The following CADPS2 variants were observed in gnomAD, a reference collection of about 807,000 sequenced individuals.
The protein encoded by CADPS2 is calcium-dependent secretion activator 2.
Under a neutral mutation model 172.5 loss-of-function variants are expected in CADPS2, and 93 were observed. The ratio of observed to expected loss-of-function variants is 0.54; its 90% CI spans 0.46 to 0.64. CADPS2 has a LOEUF of 0.64. Among genes scored for constraint, CADPS2 ranks in the 30% least tolerant of loss-of-function variants. CADPS2 has a pLI of 0.00. For missense variants in CADPS2, 1,420 were observed against 1,565.9 expected (o/e 0.91, Z 1.57); for synonymous variants, 546 against 555.2 (o/e 0.98, Z 0.23).
intron 3 of CADPS2, among the ~76,000 whole-genome samples, chr7:122,659,588 A>G (rs1052123581): frequency 1.7e-4 from 26 of 152,140 alleles, no homozygotes; most frequent in Admixed American, 1.7e-3. Context: ...ATTTGAAGTA[A>G]TAACAGCAGT....
chr7:122,768,991 G>A (rs1234195446), intron 1 of CADPS2, among the ~76,000 whole-genome samples: 1 of 151,384 alleles, frequency 6.6e-6, no homozygotes, highest in African/African-American at 2.4e-5. Context: ...ACAGCTGTCA[G>A]ATCTATATTT....
At chr7:122,465,826 T>C (rs1462578274) in intron 14 of CADPS2, among the ~76,000 whole-genome samples, 1 of 152,162 alleles carries the variant, frequency 6.6e-6, no homozygotes, top group Non-Finnish European at 1.5e-5. Flanking sequence ...TACAGTAACC[T>C]AGATACCCAA....
At chr7:122,683,658 A>C (rs1167850425) in intron 2 of CADPS2, among the ~76,000 whole-genome samples, 1 of 152,090 alleles carries the variant, frequency 6.6e-6, no homozygotes, top group African/African-American at 2.4e-5. Flanking sequence ...CTGTGGACCA[A>C]TGACAGTACC....
chr7:122,625,066 T>C (rs77192491), intron 4 of CADPS2, among the ~76,000 whole-genome samples: 6 of 150,916 alleles, frequency 4.0e-5, no homozygotes, highest in African/African-American at 1.5e-4. Context: ...TTTTTTTTTT[T>C]TGAGACAGAG....
chr7:122,668,239 A>G (rs1383302432), intron 2 of CADPS2, among the ~76,000 whole-genome samples: 1 of 100,436 alleles, frequency 1.0e-5, no homozygotes, highest in Non-Finnish European at 2.0e-5. Flanking sequence ...AAATTGGAAA[A>G]TTCCATTTTT....
chr7:122,760,928 G>A (rs996681775), intron 1 of CADPS2, among the ~76,000 whole-genome samples: 12 of 152,024 alleles, frequency 7.9e-5, no homozygotes, highest in African/African-American at 1.7e-4. Context: ...TAACCTGCAC[G>A]TTGTGCACAT....
chr7:122,702,470 C>G (rs867550027), intron 2 of CADPS2: 1 of 1,613,614 alleles, frequency 6.2e-7, no homozygotes, highest in Non-Finnish European at 8.5e-7. Flanking sequence ...CTGTTTGGGC[C>G]TGCTGAAATT....
intron 1 of CADPS2, among the ~76,000 whole-genome samples, chr7:122,756,838 T>G (rs905340381): frequency 6.6e-6 from 1 of 151,722 alleles, no homozygotes; most frequent in Non-Finnish European, 1.5e-5. Flanking sequence ...AGGCAGAGGT[T>G]GCAGTGAGCC....
intron 2 of CADPS2, among the ~76,000 whole-genome samples, chr7:122,732,959 A>G (rs893777026): frequency 5.4e-5 from 8 of 148,566 alleles, no homozygotes; most frequent in African/African-American, 2.0e-4. Flanking sequence ...AATGGCTATC[A>G]CAGCTAAAGG....
intron 1 of CADPS2, among the ~76,000 whole-genome samples, chr7:122,769,949 A>T (rs2093659865): frequency 6.6e-6 from 1 of 152,206 alleles, no homozygotes. Flanking sequence ...AGCACTTTCT[A>T]TGGGTCAAGT....
chr7:122,426,376 A>G (rs1010499209), intron 17 of CADPS2, among the ~76,000 whole-genome samples: 1 of 152,220 alleles, frequency 6.6e-6, no homozygotes, highest in African/African-American at 2.4e-5. Context: ...AAATTTGCCA[A>G]TCACTGTGAA....
In CADPS2 at chr7:122,861,024, T is replaced by G. The variant is rs1816824515; in HGVS notation, c.339+24975A>C. The stretch of plus-strand genomic sequence containing the variant: ...TCCAATGATAGACATTTAAGTAGAT[T>G]TCCATGTCTTGACTATTGTGTACAG... On this transcript the variant is annotated intron_variant, in intron 1 of 29. Coordinates refer to ENST00000449022, the MANE Select transcript of CADPS2 (RefSeq NM_017954.11). 2.0e-5 allele frequency among the ~76,000 whole-genome samples: 3 copies of G among 152,222 alleles called. No individual in the cohort carries two copies. The South Asian group carries it at 6.2e-4, about 32-fold the overall frequency.
chr7:122,817,341 T>C (rs763606285), intron 1 of CADPS2, among the ~76,000 whole-genome samples: 2 of 152,188 alleles, frequency 1.3e-5, no homozygotes, highest in Non-Finnish European at 2.9e-5. Context: ...GGCCTCTTCT[T>C]ATTCTCTTCT....
intron 9 of CADPS2, among the ~76,000 whole-genome samples, chr7:122,512,957 T>C (rs1037509699): frequency 3.9e-5 from 6 of 152,082 alleles, no homozygotes; most frequent in African/African-American, 7.2e-5. Context: ...TTGCAAAAAA[T>C]TGAATGCAGA....
chr7:122,773,389 C>T (rs1017621541), intron 1 of CADPS2, among the ~76,000 whole-genome samples: 1 of 151,918 alleles, frequency 6.6e-6, no homozygotes, highest in African/African-American at 2.4e-5. Flanking sequence ...TTACTTAATG[C>T]TATTAATTAC....
At chr7:122,879,236 C>CA (rs34464177) in intron 1 of CADPS2, among the ~76,000 whole-genome samples, 874 of 80,864 alleles carry the variant, frequency 0.011, 3 homozygotes, top group South Asian at 0.021. Context: ...TACTCTGCCT[C>CA]AAAAAAAAAA....
chr7:122,375,647 A>G (rs150477708), intron 25 of CADPS2, among the ~76,000 whole-genome samples: 3 of 152,272 alleles, frequency 2.0e-5, no homozygotes, highest in African/African-American at 7.2e-5. Flanking sequence ...TAAGACCTCA[A>G]ACCATAAAAC....
chr7:122,870,592 T>A (rs1330893830), intron 1 of CADPS2, among the ~76,000 whole-genome samples: 1 of 152,006 alleles, frequency 6.6e-6, no homozygotes, highest in Non-Finnish European at 1.5e-5. Context: ...TAATTATGTA[T>A]TGTATATTTC....
intron 7 of CADPS2, among the ~76,000 whole-genome samples, chr7:122,562,696 T>C (rs1168900531): frequency 1.4e-5 from 2 of 143,850 alleles, no homozygotes; most frequent in Non-Finnish European, 3.1e-5. Context: ...TTTCTCCTCA[T>C]AAGTGTGTGA....
Sources: allele counts gnomAD v4.1 joint callset (sites outside exome capture counted in the v4.1 genomes callset), GRCh38; gene constraint gnomAD v4.1.1; transcripts MANE v1.5; gene names NCBI Gene and HGNC (gene_info 2026-07-23, HGNC 2026-07-21).